Variants in RGS7 observed in about 807,000 individuals in gnomAD.
RGS7 encodes the protein regulator of G-protein signaling 7.
RGS7 carries 27 observed loss-of-function variants against 81.1 expected under a neutral mutation model. The observed-to-expected ratio is 0.33, with a 90% CI of 0.25 to 0.46. RGS7 has a LOEUF of 0.46. RGS7 is among the 20% of genes least tolerant of loss of function. The probability of loss-of-function intolerance (pLI) is 1.00; values close to 1 mark genes in which losing one functional copy is unlikely to be tolerated. For synonymous variants in RGS7, 208 were observed against 207.7 expected (o/e 1.00, Z -0.01); for missense variants, 396 against 607.4 (o/e 0.65, Z 3.66).
At chr1:241,010,382 A>C (rs1272490346) in intron 3 of RGS7, among the ~76,000 whole-genome samples, 1 of 152,188 alleles carries the variant, frequency 6.6e-6, no homozygotes, top group East Asian at 1.9e-4. Flanking sequence ...ACATGGATTT[A>C]AACAGTTAAG....
At position 240,868,088 on chromosome 1, in the gene RGS7, G is replaced by A. The variant is rs1346962851; in HGVS notation, c.609+499C>T. On this transcript the variant is annotated intron_variant, in intron 9 of 18. Coordinates refer to ENST00000440928, the MANE Select transcript of RGS7 (RefSeq NM_001364886.1). The surrounding 1 kb of genome is among the most constrained non-coding windows in gnomAD (Gnocchi z 5.1). ...AGAAGAGAAAAGAAAGAAAGAAAAA[G>A]AAAGAAAAGAAAAAGAAAGAAAAGA... 1.5e-5 allele frequency among the ~76,000 whole-genome samples: 2 copies of A among 130,406 alleles called. No homozygotes were observed. The highest frequency in any genetic ancestry group is 2.8e-5 in the African/African-American group (1 of 35,122). 85.6% of individuals were successfully genotyped at this position (130,406 alleles called of 152,430 possible). A position where few individuals can be genotyped will look rare whatever the true frequency, so the allele number is the denominator to read the frequency against.
intron 4 of RGS7, among the ~76,000 whole-genome samples, chr1:240,979,957 G>T (rs147303459): frequency 5.3e-5 from 8 of 152,114 alleles, no homozygotes; most frequent in South Asian, 4.1e-4. Context: ...AAGAAGAAAT[G>T]GAATTTTCCT....
At chr1:240,802,882 A>T (rs941449885) in intron 16 of RGS7, 22 bp downstream of exon 16, 1 of 1,503,950 alleles carries the variant, frequency 6.6e-7, no homozygotes, top group African/African-American at 1.4e-5. Context: ...CCAAGAAAAA[A>T]CAACTCACAA....
intron 2 of RGS7, among the ~76,000 whole-genome samples, chr1:241,297,374 G>A (rs746400436): frequency 1.3e-5 from 2 of 152,234 alleles, no homozygotes; most frequent in Non-Finnish European, 2.9e-5. Context: ...CCTATGTGGG[G>A]AGAAGATGTG....
At chr1:240,931,305 T>C (rs1249893805) in intron 5 of RGS7, among the ~76,000 whole-genome samples, 1 of 152,176 alleles carries the variant, frequency 6.6e-6, no homozygotes, top group South Asian at 2.1e-4. Flanking sequence ...TAAAGCAACT[T>C]TTTACTCTCA....
chr1:240,839,720 G>A (rs912419015), intron 9 of RGS7, among the ~76,000 whole-genome samples: 4 of 152,096 alleles, frequency 2.6e-5, no homozygotes, highest in African/African-American at 9.7e-5. Flanking sequence ...GCACTCTCTT[G>A]TCTACACCCA....
intron 3 of RGS7, among the ~76,000 whole-genome samples, chr1:241,077,903 C>G (rs2062893071): frequency 6.6e-6 from 1 of 151,990 alleles, no homozygotes; most frequent in Non-Finnish European, 1.5e-5. Context: ...AAACTAAGTG[C>G]AGAATGAAGC....
intron 3 of RGS7, among the ~76,000 whole-genome samples, chr1:241,027,415 T>C (rs1280975280): frequency 6.6e-6 from 1 of 152,104 alleles, no homozygotes; most frequent in Non-Finnish European, 1.5e-5. Context: ...TGATCTTAAG[T>C]AGGGGAATAA....
intron 2 of RGS7, among the ~76,000 whole-genome samples, chr1:241,258,974 AG>A (rs2077174986): frequency 6.6e-6 from 1 of 152,282 alleles, no homozygotes; most frequent in African/African-American, 2.4e-5. Flanking sequence ...CAATTACAGC[AG>A]GGGGCCATAC....
chr1:241,208,934 G>A (rs1419880348), intron 2 of RGS7, among the ~76,000 whole-genome samples: 2 of 152,166 alleles, frequency 1.3e-5, no homozygotes, highest in Admixed American at 1.3e-4. Flanking sequence ...ATGTCAGAGG[G>A]ACGGACAGAA....
At chr1:241,012,815 A>T (rs2148665625) in intron 3 of RGS7, among the ~76,000 whole-genome samples, 1 of 152,288 alleles carries the variant, frequency 6.6e-6, no homozygotes, top group South Asian at 2.1e-4. Context: ...GGAGACTAAA[A>T]GTCTGGGACT....
At chr1:241,274,445 A>G (rs576928047) in intron 2 of RGS7, among the ~76,000 whole-genome samples, 57 of 152,370 alleles carry the variant, frequency 3.7e-4, no homozygotes, top group African/African-American at 1.3e-3. Flanking sequence ...AAAGTAATTT[A>G]TAGTAATGCT....
At chr1:240,959,738 G>C (rs1211653957) in intron 4 of RGS7, among the ~76,000 whole-genome samples, 1 of 152,126 alleles carries the variant, frequency 6.6e-6, no homozygotes, top group East Asian at 1.9e-4. Flanking sequence ...TACATAAGAT[G>C]ATAAAAAATT....
intron 9 of RGS7, among the ~76,000 whole-genome samples, chr1:240,856,536 T>C (rs959923802): frequency 6.6e-6 from 1 of 152,196 alleles, no homozygotes; most frequent in Non-Finnish European, 1.5e-5. Context: ...TATTCCTTTT[T>C]TTCTTGCCAA....
Position 240,950,789 on chromosome 1 carries a change from G to C in RGS7, c.227-14083C>G, listed in dbSNP as rs369391301. ...AAGAATAAAAATAAAAGCACTAGAG[G>C]AATTTGAAGCTTCTGTCATTTATAA... On this transcript the variant is annotated intron_variant, in intron 4 of 18. Coordinates refer to ENST00000440928, the MANE Select transcript of RGS7 (RefSeq NM_001364886.1). Among the ~76,000 whole-genome samples, 21 of 152,230 alleles carry C rather than the reference G, an allele frequency of 1.4e-4. 1 individual carries two copies. Among genetic ancestry groups the C allele is most frequent in the Admixed American group, 4.6e-4 (7 of 15,282 alleles).
chr1:241,210,928 G>C (rs373305739), intron 2 of RGS7, among the ~76,000 whole-genome samples: 11 of 152,234 alleles, frequency 7.2e-5, no homozygotes, highest in East Asian at 1.9e-4. Context: ...GGTCAATTGT[G>C]GTAACCAAAC....
intron 6 of RGS7, among the ~76,000 whole-genome samples, chr1:240,917,215 G>T (rs1366643869): frequency 1.3e-5 from 2 of 152,102 alleles, no homozygotes; most frequent in Non-Finnish European, 2.9e-5. Flanking sequence ...AAAACTGAGA[G>T]AATTTGTTGA....
intron 2 of RGS7, among the ~76,000 whole-genome samples, chr1:241,140,753 T>G (rs374756045): frequency 7.9e-5 from 12 of 152,310 alleles, no homozygotes; most frequent in East Asian, 3.9e-4. Context: ...GTGTGTCTTC[T>G]CCTTTTTGCT....
Position 241,030,224 on chromosome 1 carries a change from C to T in RGS7, c.176-47095G>A, listed in dbSNP as rs569890757. Among the ~76,000 whole-genome samples, 16 of 151,952 alleles carry T rather than the reference C, an allele frequency of 1.1e-4. No homozygotes were observed. The South Asian group carries it at 2.1e-3, about 20-fold the overall frequency. On this transcript the variant is annotated intron_variant, in intron 3 of 18. Coordinates refer to ENST00000440928, the MANE Select transcript of RGS7 (RefSeq NM_001364886.1). Reference sequence around the variant, plus strand: ...AGTAAGTAAGGCTTAGACGTGGTTTCCTTTTTCTTTTACATCAGCCGTGGG... The same window carrying T: ...AGTAAGTAAGGCTTAGACGTGGTTTTCTTTTTCTTTTACATCAGCCGTGGG...
Sources: gnomAD v4.1 joint callset for allele counts (sites outside exome capture counted in the v4.1 genomes callset) on GRCh38, gnomAD v4.1.1 for gene constraint, Gnocchi (gnomAD v3.1) non-coding constraint, MANE v1.5 for transcripts, NCBI Gene and HGNC (gene_info 2026-07-23, HGNC 2026-07-21) for gene names.